The following ACTR3C variants were observed in gnomAD, a reference collection of about 807,000 sequenced individuals.
ACTR3C encodes actin-related protein 3C.
ACTR3C carries 18 observed loss-of-function variants against 26.3 expected under a neutral mutation model. The observed-to-expected ratio is 0.68, with a 90% confidence interval of 0.47 to 1.01. The LOEUF is 1.01. Ranked by LOEUF, ACTR3C falls within the 50% of genes least tolerant of loss-of-function variation. The pLI, the probability that ACTR3C is intolerant of heterozygous loss-of-function variation, is 0.00. For missense variants in ACTR3C, 184 were observed against 250.7 expected (o/e 0.73, Z 1.80); for synonymous variants, 55 against 94.5 (o/e 0.58, Z 2.42).
At chr7:149,902,602 AAAAAG>A in the ACTR3C span, among the ~76,000 whole-genome samples, 19 of 109,264 alleles carry the variant, frequency 1.7e-4, no homozygotes, top group African/African-American at 5.1e-4. Flanking sequence ...CAAGAAGAAA[AAAAAG>A]AAAAGAAATA....
At chr7:150,139,440 AGCTTGTGGATTCCT>A in the ACTR3C span, among the ~76,000 whole-genome samples, 1 of 152,270 alleles carries the variant, frequency 6.6e-6, no homozygotes, top group Admixed American at 6.5e-5. Context: ...TTGAACTCAC[AGCTTGTGGATTCCT>A]GCCACAGGTT....
chr7:150,085,348 A>G, the ACTR3C span, among the ~76,000 whole-genome samples: 5 of 152,186 alleles, frequency 3.3e-5, no homozygotes, highest in African/African-American at 1.2e-4. Context: ...TTCAATGCTG[A>G]GAGGTCACGC....
chr7:150,310,806 T>C (rs1369778796), intron 1 of ACTR3C, among the ~76,000 whole-genome samples: 1 of 152,232 alleles, frequency 6.6e-6, no homozygotes, highest in South Asian at 2.1e-4. Context: ...AATATGTTGA[T>C]GAACTTCTTC....
chr7:150,280,049 T>C (rs1835191380), intron 6 of ACTR3C, among the ~76,000 whole-genome samples: 1 of 152,178 alleles, frequency 6.6e-6, no homozygotes, highest in Non-Finnish European at 1.5e-5. Context: ...CCCCCTCAAG[T>C]AAAGCGTGCA....
At chr7:150,009,179 G>A in the ACTR3C span, among the ~76,000 whole-genome samples, 5 of 152,222 alleles carry the variant, frequency 3.3e-5, no homozygotes, top group East Asian at 1.9e-4. Context: ...GGTTGTTTCC[G>A]TTTCAGCCAA....
At chr7:150,037,741 T>A in the ACTR3C span, among the ~76,000 whole-genome samples, 149 of 44,018 alleles carry the variant, frequency 3.4e-3, 13 homozygotes, top group East Asian at 0.031. Flanking sequence ...AGGGTCTGGC[T>A]CTCAGTCCCC....
the ACTR3C span, among the ~76,000 whole-genome samples, chr7:150,195,362 T>G: frequency 2.6e-5 from 4 of 152,092 alleles, no homozygotes; most frequent in Admixed American, 6.5e-5. Flanking sequence ...TTTGTTTCAT[T>G]GTGTAGATAT....
the ACTR3C span, among the ~76,000 whole-genome samples, chr7:150,094,815 G>A: frequency 2.0e-5 from 3 of 150,718 alleles, 1 homozygote; most frequent in East Asian, 1.9e-4. Context: ...CTCCATAGCC[G>A]CCAACACTCT....
At chr7:150,076,019 T>C in the ACTR3C span, among the ~76,000 whole-genome samples, 663 of 152,190 alleles carry the variant, frequency 4.4e-3, 6 homozygotes, top group African/African-American at 0.015. Flanking sequence ...TTAAAGGGAT[T>C]TTACAGATTG....
chr7:150,088,252 G>T, the ACTR3C span, among the ~76,000 whole-genome samples: 2 of 152,158 alleles, frequency 1.3e-5, no homozygotes, highest in African/African-American at 2.4e-5. Context: ...GAAACAAATT[G>T]CCTAATCCAA....
chr7:150,097,325 C>T, the ACTR3C span, among the ~76,000 whole-genome samples: 2 of 151,768 alleles, frequency 1.3e-5, no homozygotes, highest in Admixed American at 6.6e-5. Context: ...AACTAACATA[C>T]TCAGTGTCTA....
the ACTR3C span, among the ~76,000 whole-genome samples, chr7:150,121,161 T>G: frequency 0.43 from 65,098 of 152,060 alleles, 14,071 homozygotes; most frequent in African/African-American, 0.47. Context: ...AACATTCCCT[T>G]TGAAAACTGG....
At chr7:150,042,486 T>G in the ACTR3C span, among the ~76,000 whole-genome samples, 1 of 135,304 alleles carries the variant, frequency 7.4e-6, no homozygotes, top group African/African-American at 3.1e-5. Flanking sequence ...AGGTTCGCAG[T>G]CCCCGCCTCG....
the ACTR3C span, among the ~76,000 whole-genome samples, chr7:150,068,800 A>AAC: frequency 2.3e-3 from 340 of 146,102 alleles, 4 homozygotes; most frequent in African/African-American, 6.0e-3. Flanking sequence ...AAAAAAAAAA[A>AAC]AACCAAAAAA....
the ACTR3C span, among the ~76,000 whole-genome samples, chr7:149,924,307 G>A: frequency 6.6e-6 from 1 of 151,626 alleles, no homozygotes; most frequent in Admixed American, 6.6e-5. Context: ...TCCAGGAGGT[G>A]GAGGTTGCAG....
chr7:150,047,698 G>A, the ACTR3C span: 5 of 1,110,470 alleles, frequency 4.5e-6, no homozygotes, highest in African/African-American at 1.7e-5. Context: ...CGCTCCCGGG[G>A]CGCCGCCGCC....
the ACTR3C span, among the ~76,000 whole-genome samples, chr7:150,140,052 A>ATGCTCGCACACACG: frequency 1.5e-4 from 23 of 152,000 alleles, no homozygotes; most frequent in African/African-American, 5.6e-4. Flanking sequence ...TCGCACACAC[A>ATGCTCGCACACACG]TGCACACACA....
chr7:150,033,125 A>T, the ACTR3C span, among the ~76,000 whole-genome samples: 1 of 152,076 alleles, frequency 6.6e-6, no homozygotes, highest in Non-Finnish European at 1.5e-5. Flanking sequence ...AGTGGGACAG[A>T]GGTGTATGGG....
the ACTR3C span, among the ~76,000 whole-genome samples, chr7:150,123,621 A>ACACACACACC: frequency 9.3e-5 from 14 of 150,052 alleles, no homozygotes; most frequent in African/African-American, 3.0e-4. Flanking sequence ...ACAAACACAC[A>ACACACACACC]CCCCTATTGG....
Sources: gnomAD v4.1 joint callset for allele counts (sites outside exome capture counted in the v4.1 genomes callset) on GRCh38, gnomAD v4.1.1 for gene constraint, MANE v1.5 for transcripts, NCBI Gene and HGNC (gene_info 2026-07-23, HGNC 2026-07-21) for gene names.